The following RLN3 variants were observed in gnomAD, a reference collection of about 807,000 sequenced individuals.
RLN3 encodes relaxin-3.
In RLN3, 13 loss-of-function variants were observed where a neutral mutation model predicts 10.2. That is an observed-to-expected ratio of 1.28 (90% CI 0.83 to 2.03). The LOEUF is 2.03. RLN3 is among the 30% of genes most tolerant of loss of function. The probability of loss-of-function intolerance (pLI) is 0.00; values close to 1 mark genes in which losing one functional copy is unlikely to be tolerated. For synonymous variants in RLN3, 56 were observed against 79.2 expected (o/e 0.71, Z 1.56); for missense variants, 191 against 187.2 (o/e 1.02, Z -0.12).
At chr19:14,030,547 A>G (rs1975784813) in intron 1 of RLN3, among the ~76,000 whole-genome samples, 163 bp from the exon 2 acceptor site, 1 of 152,122 alleles carries the variant, frequency 6.6e-6, no homozygotes, top group Non-Finnish European at 1.5e-5. Context: ...AATCCCACCT[A>G]CTCTGGCAGA....
In RLN3 at chr19:14,028,169, T is replaced by C. The variant is rs760341682; in HGVS notation, c.-36T>C. The C allele has an allele frequency of 1.5e-5, 23 of 1,494,972 alleles. No individual in the cohort carries two copies. The South Asian group carries it at 2.2e-4, about 14-fold the overall frequency. The allele number at this position is 1,494,972 out of a possible 1,614,324, so 92.6% of individuals were successfully genotyped here. A position where few individuals can be genotyped will look rare whatever the true frequency, so the allele number is the denominator to read the frequency against. The stretch of plus-strand genomic sequence containing the variant: ...GGGGGCCAAGAGGCAGCAGAGACAC[T>C]GGCCCACTCTCACGTTCAAAGCATC... On this transcript the variant is annotated 5_prime_UTR_variant, in exon 1 of 2. Coordinates refer to ENST00000431365, the MANE Select transcript of RLN3 (RefSeq NM_080864.4).
chr19:14,030,576 G>A (rs1454749383), intron 1 of RLN3, 134 bp from the exon 2 acceptor site: 3 of 850,752 alleles, frequency 3.5e-6, no homozygotes, highest in Non-Finnish European at 6.0e-6. Flanking sequence ...TTGAACCCAG[G>A]ACTGGGTGGA....
chr19:14,031,254 C>CTGGG lies in RLN3; in HGVS notation c.*307_*308insGGGT, dbSNP rs1234645063. The CTGGG allele has an allele frequency of 2.0e-5, 7 of 344,188 alleles. No individual in the cohort carries two copies. The highest frequency in any genetic ancestry group is 3.2e-5 in the Non-Finnish European group (6 of 187,900). The allele number at this position is 344,188 out of a possible 1,614,324, so 21.3% of individuals were successfully genotyped here. On this transcript the variant is annotated 3_prime_UTR_variant, in exon 2 of 2. Coordinates refer to ENST00000431365, the MANE Select transcript of RLN3 (RefSeq NM_080864.4). ...ACCATGCGTTTGCCTGGCCTACACA[C>CTGGG]TCCACTGCCACAACTGGGTCCCTAC... is the stretch of plus-strand genomic sequence containing the variant.
At chr19:14,030,463 C>T in intron 1 of RLN3, 1 of 665,532 alleles carries the variant, frequency 1.5e-6, no homozygotes, top group Middle Eastern at 3.2e-4. Context: ...AGTTTGCGAC[C>T]AGCCTGAACA....
chr19:14,028,204 C>T lies in RLN3; in HGVS notation c.-1C>T, dbSNP rs1470100860. The T allele has an allele frequency of 6.3e-7, 1 of 1,581,458 alleles. No homozygotes were observed. Among genetic ancestry groups the T allele is most frequent in the East Asian group, 2.3e-5 (1 of 44,422 alleles). On this transcript the variant is annotated 5_prime_UTR_variant, in exon 1 of 2. Coordinates refer to ENST00000431365, the MANE Select transcript of RLN3 (RefSeq NM_080864.4). ...TCACGTTCAAAGCATCTCCGTCCAGCATGGCCAGGTACATGCTGCTGCTGC... is the reference window on the plus strand; with the variant it reads ...TCACGTTCAAAGCATCTCCGTCCAGTATGGCCAGGTACATGCTGCTGCTGC...
chr19:14,028,959 G>C (rs1175290915), intron 1 of RLN3, among the ~76,000 whole-genome samples: 1 of 151,424 alleles, frequency 6.6e-6, no homozygotes, highest in Non-Finnish European at 1.5e-5. Context: ...TTTTTTTTTT[G>C]TAGAAACAGG....
At position 14,031,139 on chromosome 19, in the gene RLN3, T is replaced by C. The variant is rs377261835; in HGVS notation, c.*191T>C. 19 of 576,104 alleles carry C rather than the reference T, an allele frequency of 3.3e-5. 1 individual carries two copies. Among genetic ancestry groups the C allele is most frequent in the African/African-American group, 2.6e-4 (14 of 53,390 alleles). 35.7% of individuals were successfully genotyped at this position (576,104 alleles called of 1,614,324 possible). ...ATCCAACCCTGCCCTTTGACCAGCC[T>C]ATCATGACCCTGGCCCCTAAGGAAG... On this transcript the variant is annotated 3_prime_UTR_variant, in exon 2 of 2. Transcript: ENST00000431365.
At chr19:14,028,516 C>T (rs1478099568) in intron 1 of RLN3, 122 bp downstream of exon 1, 4 of 795,866 alleles carry the variant, frequency 5.0e-6, no homozygotes, top group Non-Finnish European at 7.9e-6. Flanking sequence ...CCACATTCAG[C>T]CAGGGACACC....
At position 14,030,769 on chromosome 19, in the gene RLN3, G is replaced by A; in HGVS notation, c.250G>A (p.Ala84Thr). 1.9e-6 allele frequency: 3 copies of A among 1,614,224 alleles called. No homozygotes were observed. Among genetic ancestry groups the A allele is most frequent in the Non-Finnish European group, 1.7e-6 (2 of 1,180,038 alleles). ...EDSLAGELDE[A>T]MGSSEWLALT... ...CAGTCTGGCAGGCGAGCTGGATGAG[G>A]CCATGGGGTCCAGCGAGTGGCTGGC... Residue 84 changes from alanine (A) to threonine (T), a missense_variant, in exon 2 of 2, where the codon GCC becomes ACC. By Grantham distance (58) the Ala-to-Thr change is moderately conservative. Transcript: ENST00000431365.
At chr19:14,030,536 T>C (rs1263175490) in intron 1 of RLN3, among the ~76,000 whole-genome samples, 174 bp from the exon 2 acceptor site, 1 of 152,178 alleles carries the variant, frequency 6.6e-6, no homozygotes, top group African/African-American at 2.4e-5. Context: ...CAGACACCTG[T>C]AATCCCACCT....
rs577843547 is a variant in RLN3, at chr19:14,030,727, G to A, written c.208G>A (p.Ala70Thr). 7 of 1,614,204 alleles carry A rather than the reference G, an allele frequency of 4.3e-6. No homozygotes were observed. The African/African-American group carries it at 9.3e-5, about 22-fold the overall frequency. Residue 70 changes from alanine (A) to threonine (T), a missense_variant, in exon 2 of 2, where the codon GCA becomes ACA. Coordinates refer to ENST00000431365, the MANE Select transcript of RLN3 (RefSeq NM_080864.4). Reference protein sequence around the residue: ...HEAMGDTFPDADADEDSLAGE... With the variant: ...HEAMGDTFPDTDADEDSLAGE... ...TTTTGCAGGAGATACCTTCCCGGAT[G>A]CAGATGCTGATGAAGACAGTCTGGC...
chr19:14,030,347 T>C lies in RLN3; in HGVS notation c.191-363T>C, dbSNP rs748851892. On this transcript the variant is annotated intron_variant, in intron 1 of 1. Coordinates refer to ENST00000431365, the MANE Select transcript of RLN3 (RefSeq NM_080864.4). Reference sequence around the variant, plus strand: ...GCTCCCAAATGTACCAGGTCCTCAATTAATAAAGAGTAAGGAGAAATAAAT... The same window carrying C: ...GCTCCCAAATGTACCAGGTCCTCAACTAATAAAGAGTAAGGAGAAATAAAT... 1.5e-4 allele frequency: 107 copies of C among 702,752 alleles called. 1 individual carries two copies. The highest frequency in any genetic ancestry group is 1.3e-3 in the South Asian group (91 of 67,598). 43.5% of individuals were successfully genotyped at this position (702,752 alleles called of 1,614,324 possible).
At chr19:14,028,438 T>C (rs548829555) in intron 1 of RLN3, 44 bp downstream of exon 1, 1 of 1,550,062 alleles carries the variant, frequency 6.5e-7, no homozygotes, top group African/African-American at 1.4e-5. Flanking sequence ...AACAGGTGGC[T>C]GGATGGGTCC....
intron 1 of RLN3, among the ~76,000 whole-genome samples, chr19:14,029,084 G>T (rs1975759651): frequency 6.6e-6 from 1 of 151,980 alleles, no homozygotes; most frequent in African/African-American, 2.4e-5. Context: ...CTTCAAATGG[G>T]AGACACAGTT....
chr19:14,030,382 G>C, intron 1 of RLN3: 1 of 702,610 alleles, frequency 1.4e-6, no homozygotes. Flanking sequence ...TGACAGGGCT[G>C]GGTGCGGTGG....
At chr19:14,029,644 C>T (rs911493059) in intron 1 of RLN3, among the ~76,000 whole-genome samples, 9 of 151,870 alleles carry the variant, frequency 5.9e-5, no homozygotes, top group Non-Finnish European at 1.3e-4. Flanking sequence ...AGCCACCGCG[C>T]CCAGCCATGC....
chr19:14,028,543 A>G, intron 1 of RLN3, 149 bp downstream of exon 1: 1 of 674,900 alleles, frequency 1.5e-6, no homozygotes, highest in Non-Finnish European at 2.4e-6. Context: ...GCCTTGAAAC[A>G]AGGGCTCAGG....
At position 14,028,365 on chromosome 19, in the gene RLN3, G is replaced by A. The variant is rs780646663; in HGVS notation, c.161G>A (p.Arg54Gln). ...IFTCGGSRWR[R>Q]SDILAHEAMG... The stretch of plus-strand genomic sequence containing the variant: ...ACCTGCGGGGGCTCCCGGTGGAGAC[G>A]ATCAGACATCCTGGCCCACGAGGCT... The change falls in exon 1 of 2, where the codon CGA (arginine) becomes CAA (glutamine). Residue 54 changes from arginine to glutamine, a missense_variant. Transcript: ENST00000431365. The A allele has an allele frequency of 3.7e-6, 6 of 1,612,776 alleles. No homozygotes were observed. Among genetic ancestry groups the A allele is most frequent in the East Asian group, 2.2e-5 (1 of 44,880 alleles).
In RLN3 at chr19:14,028,324, C is replaced by T. The variant is rs1975746996; in HGVS notation, c.120C>T (p.Ile40=). ...YGVRLCGREF[I]RAVIFTCGGS... is the part of the protein sequence containing the mutation. ...TCAGGCTTTGCGGCCGAGAATTCAT[C>T]CGAGCAGTCATCTTCACCTGCGGGG... is the stretch of plus-strand genomic sequence containing the variant. Residue 40 remains isoleucine (I), a synonymous_variant, in exon 1 of 2, where the codon ATC becomes ATT. Coordinates refer to ENST00000431365, the MANE Select transcript of RLN3 (RefSeq NM_080864.4). 1 of 1,613,852 alleles carries T rather than the reference C, an allele frequency of 6.2e-7. No individual in the cohort carries two copies. Among genetic ancestry groups the T allele is most frequent in the African/African-American group, 1.3e-5 (1 of 74,888 alleles).
Sources: gnomAD v4.1 joint callset for allele counts (sites outside exome capture counted in the v4.1 genomes callset) on GRCh38, gnomAD v4.1.1 for gene constraint, MANE v1.5 for transcripts, NCBI Gene and HGNC (gene_info 2026-07-23, HGNC 2026-07-21) for gene names.